Variants in MMP26 observed in about 807,000 individuals in gnomAD.
MMP26 encodes matrix metallopeptidase 26, also known as matrix metalloproteinase-26.
In MMP26, 33 loss-of-function variants were observed where a neutral mutation model predicts 31.0. The observed-to-expected ratio is 1.06, with a 90% CI of 0.81 to 1.42. The LOEUF (loss-of-function observed/expected upper bound fraction) is 1.42. MMP26 is among the 40% of genes most tolerant of loss of function. The pLI, the probability that MMP26 is intolerant of heterozygous loss-of-function variation, is 0.00. For synonymous variants in MMP26, 122 were observed against 114.9 expected (o/e 1.06, Z -0.40); for missense variants, 347 against 316.1 (o/e 1.10, Z -0.74).
chr11:4,984,147 C>T (rs1048051611), intron 2 of MMP26, among the ~76,000 whole-genome samples: 7 of 152,122 alleles, frequency 4.6e-5, no homozygotes, highest in Non-Finnish European at 1.0e-4. Flanking sequence ...TAGAGAGGTG[C>T]GTGTCAAGAT....
intron 2 of MMP26, among the ~76,000 whole-genome samples, chr11:4,960,058 C>G (rs1245413799): frequency 7.7e-6 from 1 of 129,438 alleles, no homozygotes; most frequent in Non-Finnish European, 1.6e-5. Context: ...AGGAGAATGC[C>G]TTGCTGAGAC....
Position 4,988,130 on chromosome 11 carries a change from G to A in MMP26, c.-82G>A. The A allele has an allele frequency of 8.2e-7, 1 of 1,224,156 alleles. No homozygotes were observed. The highest frequency in any genetic ancestry group is 1.2e-6 in the Non-Finnish European group (1 of 824,800). The allele number at this position is 1,224,156 out of a possible 1,614,324, so 75.8% of individuals were successfully genotyped here. A position where few individuals can be genotyped will look rare whatever the true frequency, so the allele number is the denominator to read the frequency against. ...GGCAAACTGGCAGAGTGAGTCATTG[G>A]ATGTTGCTGGCACAGCTATAAAGAT... is the stretch of plus-strand genomic sequence containing the variant. On this transcript the variant is annotated 5_prime_UTR_variant, in exon 3 of 8. It introduces an in-frame stop codon into an upstream open reading frame of the 5' UTR. Transcript: ENST00000380390.
rs1323160438 is a variant in MMP26 at position 4,953,744 on chromosome 11, A to G, written c.-144-34324A>G. Among the ~76,000 whole-genome samples the G allele has an allele frequency of 8.8e-5, 11 of 125,172 alleles. 5 individuals carry two copies. The highest frequency in any genetic ancestry group is 2.0e-4 in the Non-Finnish European group (11 of 55,330). 82.1% of individuals were successfully genotyped at this position (125,172 alleles called of 152,430 possible). A position where few individuals can be genotyped will look rare whatever the true frequency, so the allele number is the denominator to read the frequency against. ...CAAGTAGAAAGGGTCCAGCTCATGT[A>G]GGGTCTCGGAATATGTTCTTCCTTC... On this transcript the variant is annotated intron_variant, in intron 2 of 7. Coordinates refer to ENST00000380390, the MANE Select transcript of MMP26 (RefSeq NM_021801.5).
intron 2 of MMP26, among the ~76,000 whole-genome samples, chr11:4,880,381 A>G (rs1212191818): frequency 1.3e-5 from 2 of 152,012 alleles, no homozygotes; most frequent in Non-Finnish European, 2.9e-5. Context: ...GAGGAAGAAG[A>G]TAAAGCAATA....
At chr11:4,707,971 C>T (rs1847804016) in intron 1 of MMP26, among the ~76,000 whole-genome samples, 1 of 152,204 alleles carries the variant, frequency 6.6e-6, no homozygotes, top group Non-Finnish European at 1.5e-5. Flanking sequence ...TTAAATACTG[C>T]TGTTCCCCAG....
At chr11:4,867,387 CTTTT>C (rs3065176) in intron 2 of MMP26, among the ~76,000 whole-genome samples, 22 of 98,274 alleles carry the variant, frequency 2.2e-4, no homozygotes, top group Admixed American at 9.2e-4. Flanking sequence ...AGATGCTGTC[CTTTT>C]TTTTTTTTTT....
chr11:4,904,785 G>T lies in MMP26; in HGVS notation c.-144-83283G>T, dbSNP rs116473629. On this transcript the variant is annotated intron_variant, in intron 2 of 7. Transcript: ENST00000380390. ...AAAAAGGGAGAAAGTGCTAAGAAAT[G>T]ATTCTACATATTTTATATTTCTTCC... is the stretch of plus-strand genomic sequence containing the variant. Among the ~76,000 whole-genome samples, 1,092 of 152,202 alleles carry T rather than the reference G, an allele frequency of 7.2e-3. 15 individuals are homozygous for T. The highest frequency in any genetic ancestry group is 0.024 in the African/African-American group (982 of 41,542).
chr11:4,882,702 A>G (rs1332816419), intron 2 of MMP26: 2 of 1,613,248 alleles, frequency 1.2e-6, no homozygotes, highest in Non-Finnish European at 1.7e-6. Flanking sequence ...CGCCTCTTCC[A>G]CTCCACCCCA....
intron 2 of MMP26, among the ~76,000 whole-genome samples, chr11:4,975,568 A>G (rs1039265788): frequency 3.3e-5 from 5 of 152,204 alleles, no homozygotes; most frequent in African/African-American, 1.2e-4. Context: ...CGGAGGTTCA[A>G]AGTGTATTTA....
At chr11:4,757,677 T>C (rs2133407305) in intron 1 of MMP26, among the ~76,000 whole-genome samples, 1 of 151,138 alleles carries the variant, frequency 6.6e-6, no homozygotes, top group East Asian at 1.9e-4. Context: ...TAAAAATGAC[T>C]AACAAGCCCA....
chr11:4,783,378 T>C lies in MMP26; in HGVS notation c.-145+16037T>C, dbSNP rs187216653. On this transcript the variant is annotated intron_variant, in intron 2 of 7. Transcript: ENST00000380390. ...GATTTGTGTGGGGCTTGTAACCCCT[T>C]TGTTTTGGCCAATTTCTCCCATTTG... Among the ~76,000 whole-genome samples, 54 of 152,304 alleles carry C rather than the reference T, an allele frequency of 3.5e-4. No homozygotes were observed. The Middle Eastern group carries it at 0.017, about 48-fold the overall frequency.
At chr11:4,727,206 A>T (rs1202752880) in intron 1 of MMP26, among the ~76,000 whole-genome samples, 2 of 151,888 alleles carry the variant, frequency 1.3e-5, no homozygotes, top group African/African-American at 4.8e-5. Context: ...AAAAACAAAA[A>T]CTCCATTTGC....
chr11:4,908,068 G>C (rs1446871189), intron 2 of MMP26: 13 of 1,614,152 alleles, frequency 8.1e-6, no homozygotes, highest in Non-Finnish European at 1.0e-5. Context: ...TGGCAGAGAG[G>C]CTTAAGGCCC....
At chr11:4,877,171 T>G (rs916856703) in intron 2 of MMP26, 2 of 152,240 alleles carry the variant, frequency 1.3e-5, no homozygotes, top group African/African-American at 4.8e-5. Flanking sequence ...CTGTTGGCTG[T>G]GATCTTCATC....
At chr11:4,907,514 A>G (rs760310741) in intron 2 of MMP26, 84 of 1,613,882 alleles carry the variant, frequency 5.2e-5, no homozygotes, top group Non-Finnish European at 2.5e-6. Context: ...TCTCTTTATT[A>G]TAAAGACAGA....
At chr11:4,734,360 G>A (rs916769846) in intron 1 of MMP26, among the ~76,000 whole-genome samples, 6 of 151,986 alleles carry the variant, frequency 3.9e-5, no homozygotes, top group African/African-American at 1.4e-4. Flanking sequence ...TTTGTTGACT[G>A]TTGTTTTTTC....
intron 2 of MMP26, among the ~76,000 whole-genome samples, chr11:4,825,706 C>T (rs796328376): frequency 1.3e-4 from 20 of 152,174 alleles, no homozygotes; most frequent in African/African-American, 4.8e-4. Context: ...AATTGTGATG[C>T]CATTGAATTT....
In MMP26 at chr11:4,946,762, C is replaced by T. The variant is rs751858014; in HGVS notation, c.-144-41306C>T. Reference sequence around the variant, plus strand: ...ATGACATGATCAGGAGGACTGAGGACTCCAGTACTGAGAATCCATGAATGA... The same window carrying T: ...ATGACATGATCAGGAGGACTGAGGATTCCAGTACTGAGAATCCATGAATGA... On this transcript the variant is annotated intron_variant, in intron 2 of 7. Transcript: ENST00000380390. 4 of 1,587,592 alleles carry T rather than the reference C, an allele frequency of 2.5e-6. No homozygotes were observed. The African/African-American group carries it at 5.5e-5, about 22-fold the overall frequency.
intron 2 of MMP26, among the ~76,000 whole-genome samples, chr11:4,940,534 T>C (rs1482036558): frequency 6.6e-6 from 1 of 152,204 alleles, no homozygotes; most frequent in Non-Finnish European, 1.5e-5. Flanking sequence ...TCAGTGATAA[T>C]AAAGTGATCA....
Sources: gnomAD v4.1 joint callset for allele counts (sites outside exome capture counted in the v4.1 genomes callset) on GRCh38, gnomAD v4.1.1 for gene constraint, MANE v1.5 for transcripts, NCBI Gene and HGNC (gene_info 2026-07-23, HGNC 2026-07-21) for gene names.